Variants in CCDC3 observed in about 807,000 individuals in gnomAD.
CCDC3 encodes coiled-coil domain-containing protein 3.
Under a neutral mutation model 21.4 loss-of-function variants are expected in CCDC3, and 24 were observed. The ratio of observed to expected loss-of-function variants is 1.12; its 90% CI spans 0.81 to 1.58. The LOEUF is 1.58. Among genes scored for constraint, CCDC3 ranks in the 40% most tolerant of loss-of-function variants. The pLI, the probability that CCDC3 is intolerant of heterozygous loss-of-function variation, is 0.00. For missense variants in CCDC3, 425 were observed against 360.9 expected (o/e 1.18, Z -1.44); for synonymous variants, 186 against 166.0 (o/e 1.12, Z -0.93).
intron 2 of CCDC3, 50 bp downstream of exon 2, chr10:12,998,288 T>C: frequency 6.3e-7 from 1 of 1,575,306 alleles, no homozygotes; most frequent in Non-Finnish European, 8.6e-7. Context: ...TCACACAAGG[T>C]GTAGCTATAC....
At chr10:12,981,805 C>T (rs893299451) in intron 2 of CCDC3, among the ~76,000 whole-genome samples, 2 of 151,976 alleles carry the variant, frequency 1.3e-5, no homozygotes, top group Admixed American at 1.3e-4. Context: ...CATAGTGATA[C>T]CACATGATTA....
At chr10:12,963,871 C>T (rs1333143018) in intron 2 of CCDC3, among the ~76,000 whole-genome samples, 6 of 152,196 alleles carry the variant, frequency 3.9e-5, no homozygotes, top group Admixed American at 3.3e-4. Flanking sequence ...GCGTGAGCCA[C>T]CAAGCCTGGC....
At chr10:12,995,621 C>T (rs897235952) in intron 2 of CCDC3, among the ~76,000 whole-genome samples, 2 of 152,174 alleles carry the variant, frequency 1.3e-5, no homozygotes, top group African/African-American at 4.8e-5. Flanking sequence ...AAGCAGAGGT[C>T]TGGAAACGTG....
At chr10:12,906,119 G>C (rs1834167469) in intron 2 of CCDC3, among the ~76,000 whole-genome samples, 1 of 152,194 alleles carries the variant, frequency 6.6e-6, no homozygotes, top group Non-Finnish European at 1.5e-5. Context: ...CGTCCACGCA[G>C]AACGGTTTCC....
intron 5 of CCDC3, among the ~76,000 whole-genome samples, chr10:13,023,572 C>G (rs1240510355): frequency 6.6e-6 from 1 of 152,126 alleles, no homozygotes; most frequent in Non-Finnish European, 1.5e-5. Flanking sequence ...GTCCCGTTGT[C>G]TAAAGCTAGT....
At chr10:13,098,756 A>C in intron 2 of CCDC3, among the ~76,000 whole-genome samples, 1 of 110,342 alleles carries the variant, frequency 9.1e-6, no homozygotes, top group East Asian at 2.8e-4. Flanking sequence ...TCACTCTGTC[A>C]CCCAGGCTGG....
At chr10:13,089,149 A>G (rs2131453465) in intron 3 of CCDC3, among the ~76,000 whole-genome samples, 1 of 152,318 alleles carries the variant, frequency 6.6e-6, no homozygotes, top group Admixed American at 6.5e-5. Context: ...CATATAAAAT[A>G]CATCTTAGAG....
intron 2 of CCDC3, among the ~76,000 whole-genome samples, chr10:12,964,654 T>A (rs1835233124): frequency 6.6e-6 from 1 of 152,186 alleles, no homozygotes; most frequent in Non-Finnish European, 1.5e-5. Context: ...ATACATTTCC[T>A]CACTGTTTGA....
intron 2 of CCDC3, among the ~76,000 whole-genome samples, chr10:12,980,074 G>A (rs59141413): frequency 7.4e-4 from 113 of 152,262 alleles, no homozygotes; most frequent in African/African-American, 2.6e-3. Flanking sequence ...GAAAGGGTTC[G>A]ACTAGGCAAT....
intron 2 of CCDC3, among the ~76,000 whole-genome samples, chr10:12,967,416 A>T (rs1835277665): frequency 6.6e-6 from 1 of 152,240 alleles, no homozygotes; most frequent in Non-Finnish European, 1.5e-5. Flanking sequence ...AAATCAGAGA[A>T]ATATCCCAAT....
At chr10:12,923,676 C>T (rs914835696) in intron 2 of CCDC3, among the ~76,000 whole-genome samples, 1 of 152,118 alleles carries the variant, frequency 6.6e-6, no homozygotes, top group African/African-American at 2.4e-5. Flanking sequence ...ATCCTTTTTT[C>T]ACCTCCATGC....
intron 5 of CCDC3, among the ~76,000 whole-genome samples, chr10:13,013,405 G>C (rs1412186623): frequency 6.6e-6 from 1 of 152,202 alleles, no homozygotes; most frequent in Non-Finnish European, 1.5e-5. Context: ...GGGGCTCCCA[G>C]TGATGTGTTT....
intron 5 of CCDC3, among the ~76,000 whole-genome samples, chr10:13,045,241 A>T (rs970356969): frequency 2.0e-5 from 3 of 152,170 alleles, no homozygotes; most frequent in Non-Finnish European, 4.4e-5. Flanking sequence ...AATTTTTAAA[A>T]TTTTCTGTGA....
chr10:13,093,645 T>G (rs1251824819), intron 3 of CCDC3, among the ~76,000 whole-genome samples: 1 of 152,076 alleles, frequency 6.6e-6, no homozygotes, highest in African/African-American at 2.4e-5. Flanking sequence ...CCCTCACTGA[T>G]GAAGAGGTCA....
intron 2 of CCDC3, among the ~76,000 whole-genome samples, chr10:12,901,670 G>A (rs1010356523): frequency 1.3e-5 from 2 of 152,200 alleles, no homozygotes; most frequent in Non-Finnish European, 2.9e-5. Flanking sequence ...AGTTTTACTT[G>A]AAAAATGTTT....
At chr10:13,011,975 T>C (rs763290867) in intron 5 of CCDC3, among the ~76,000 whole-genome samples, 8 of 152,198 alleles carry the variant, frequency 5.3e-5, no homozygotes, top group Non-Finnish European at 1.2e-4. Flanking sequence ...CAAATGGTGC[T>C]GGGATAACTG....
intron 3 of CCDC3, among the ~76,000 whole-genome samples, chr10:13,082,688 C>T (rs911050664): frequency 3.3e-5 from 5 of 152,228 alleles, no homozygotes; most frequent in African/African-American, 7.2e-5. Flanking sequence ...TTCCCAGGCA[C>T]TGGTGTTACC....
At chr10:13,041,833 G>C (rs1022107809) in intron 5 of CCDC3, among the ~76,000 whole-genome samples, 6 of 150,686 alleles carry the variant, frequency 4.0e-5, no homozygotes, top group Admixed American at 4.0e-4. Flanking sequence ...ACCAGGGTTG[G>C]CCAGGCTGGT....
intron 2 of CCDC3, among the ~76,000 whole-genome samples, chr10:12,914,383 T>C (rs556166249): frequency 3.9e-5 from 6 of 152,224 alleles, no homozygotes; most frequent in South Asian, 4.1e-4. Context: ...TGTGGTAGTC[T>C]TTTTTAGTCA....
Sources: gnomAD v4.1 joint callset for allele counts (sites outside exome capture counted in the v4.1 genomes callset) on GRCh38, gnomAD v4.1.1 for gene constraint, MANE v1.5 for transcripts, NCBI Gene and HGNC (gene_info 2026-07-23, HGNC 2026-07-21) for gene names.